Variants in SLC25A15 observed in about 807,000 individuals in gnomAD.
SLC25A15 encodes the protein mitochondrial ornithine transporter 1.
Under a neutral mutation model 32.3 loss-of-function variants are expected in SLC25A15, and 24 were observed. That is an observed-to-expected ratio of 0.74 (90% confidence interval 0.54 to 1.04). The LOEUF is 1.04. Among genes scored for constraint, SLC25A15 ranks in the 50% least tolerant of loss-of-function variants. The pLI is 0.00. For synonymous variants in SLC25A15, 132 were observed against 142.1 expected (o/e 0.93, Z 0.51); for missense variants, 317 against 374.5 (o/e 0.85, Z 1.27).
intron 2 of SLC25A15, among the ~76,000 whole-genome samples, chr13:40,795,604 G>A (rs1881644393): frequency 6.6e-6 from 1 of 152,122 alleles, no homozygotes; most frequent in Admixed American, 6.5e-5. Flanking sequence ...GATGCTGTGG[G>A]TAGTCTTAAC....
At position 40,811,707 on chromosome 13, in the gene SLC25A15, G is replaced by A. The variant is rs41286983; in HGVS notation, c.*2040G>A. Among the ~76,000 whole-genome samples the A allele has an allele frequency of 2.9e-3, 442 of 152,308 alleles. 1 individual carries two copies. Among genetic ancestry groups the A allele is most frequent in the South Asian group, 4.3e-3 (21 of 4,828 alleles). The stretch of plus-strand genomic sequence containing the variant: ...ATTTTGTGCTGCTCCAACACCAGCA[G>A]GGTATCTCCCAATAAAGTGTTCCTA... On this transcript the variant is annotated 3_prime_UTR_variant, in exon 7 of 7. Coordinates refer to ENST00000338625, the MANE Select transcript of SLC25A15 (RefSeq NM_014252.4).
chr13:40,804,911 T>C (rs1030438901), intron 3 of SLC25A15, among the ~76,000 whole-genome samples: 2 of 152,094 alleles, frequency 1.3e-5, no homozygotes, highest in African/African-American at 4.8e-5. Context: ...ATGCAGTGGC[T>C]GTTCACAGAT....
chr13:40,809,733 G>A lies in SLC25A15; in HGVS notation c.*66G>A. On this transcript the variant is annotated 3_prime_UTR_variant, in exon 7 of 7. Transcript: ENST00000338625. ...ACTACAGTTCATCTCAGGGTTTCTTGGAGTACAAGACCAGTGTGAAGTTAT... is the reference window on the plus strand; with the variant it reads ...ACTACAGTTCATCTCAGGGTTTCTTAGAGTACAAGACCAGTGTGAAGTTAT... 6.4e-7 allele frequency: 1 copy of A among 1,560,096 alleles called. No individual in the cohort carries two copies. The highest frequency in any genetic ancestry group is 8.8e-7 in the Non-Finnish European group (1 of 1,134,808).
chr13:40,797,217 A>G (rs1881695941), intron 2 of SLC25A15, among the ~76,000 whole-genome samples: 1 of 152,140 alleles, frequency 6.6e-6, no homozygotes, highest in South Asian at 2.1e-4. Context: ...TTGTACATTC[A>G]TTAGCCTCCC....
Position 40,812,226 on chromosome 13 carries a change from A to C in SLC25A15, c.*2559A>C, listed in dbSNP as rs1258634891. On this transcript the variant is annotated 3_prime_UTR_variant, in exon 7 of 7. Coordinates refer to ENST00000338625, the MANE Select transcript of SLC25A15 (RefSeq NM_014252.4). ...ATCCCTGTTGGCAGTAAATCTTCCC[A>C]CAGGCCGTCCATTAGAGATTTAACT... 6.6e-6 allele frequency among the ~76,000 whole-genome samples: 1 copy of C among 152,206 alleles called. No individual in the cohort carries two copies. The highest frequency in any genetic ancestry group is 1.5e-5 in the Non-Finnish European group (1 of 68,036).
At chr13:40,794,539 C>T (rs1881611681) in intron 2 of SLC25A15, among the ~76,000 whole-genome samples, 1 of 152,160 alleles carries the variant, frequency 6.6e-6, no homozygotes, top group Admixed American at 6.5e-5. Context: ...CAGGCTACTC[C>T]TTAGAAAGAT....
At chr13:40,791,564 G>A (rs888487743) in intron 1 of SLC25A15, among the ~76,000 whole-genome samples, 4 of 151,808 alleles carry the variant, frequency 2.6e-5, no homozygotes, top group Non-Finnish European at 5.9e-5. Flanking sequence ...CACCATATTC[G>A]TCAAGCTGGT....
chr13:40,789,702 G>A (rs1161231229), intron 1 of SLC25A15, 39 bp downstream of exon 1: 1 of 151,688 alleles, frequency 6.6e-6, no homozygotes, highest in East Asian at 1.9e-4. Context: ...GCTGCGGGGA[G>A]CGCGCCAGGC....
At chr13:40,804,335 C>T (rs137996114) in intron 3 of SLC25A15, among the ~76,000 whole-genome samples, 5 of 152,258 alleles carry the variant, frequency 3.3e-5, no homozygotes, top group African/African-American at 7.2e-5. Flanking sequence ...CAGTCCATAG[C>T]GCTGTGTGTA....
At chr13:40,804,793 G>C (rs1017883704) in intron 3 of SLC25A15, among the ~76,000 whole-genome samples, 1 of 150,850 alleles carries the variant, frequency 6.6e-6, no homozygotes, top group Middle Eastern at 3.4e-3. Flanking sequence ...TTCGTGATCC[G>C]CCCGCCTCGG....
intron 3 of SLC25A15, among the ~76,000 whole-genome samples, chr13:40,800,138 C>T (rs900217692): frequency 6.6e-6 from 1 of 152,150 alleles, no homozygotes; most frequent in Admixed American, 6.5e-5. Context: ...GAGTTTGAAA[C>T]CTGATTGCAG....
At chr13:40,806,368 C>T (rs79994212) in intron 4 of SLC25A15, among the ~76,000 whole-genome samples, 1,609 of 152,130 alleles carry the variant, frequency 0.011, 36 homozygotes, top group African/African-American at 0.036. Flanking sequence ...TAGTTATATC[C>T]AAAGGACTTA....
intron 2 of SLC25A15, among the ~76,000 whole-genome samples, chr13:40,795,680 T>C (rs1218657490): frequency 1.3e-5 from 2 of 151,810 alleles, no homozygotes; most frequent in African/African-American, 2.4e-5. Flanking sequence ...ACATGGTCTA[T>C]AGGTTGGGGG....
In SLC25A15 at chr13:40,811,937, G is replaced by A. The variant is rs1360353578; in HGVS notation, c.*2270G>A. Among the ~76,000 whole-genome samples the A allele has an allele frequency of 6.6e-6, 1 of 152,154 alleles. No homozygotes were observed. The highest frequency in any genetic ancestry group is 2.4e-5 in the African/African-American group (1 of 41,442). ...GATATGAGAGGCTGACAAACATCAG[G>A]GGACATCTGGGGAGGAGATCCCTGT... On this transcript the variant is annotated 3_prime_UTR_variant, in exon 7 of 7. Transcript: ENST00000338625.
intron 4 of SLC25A15, among the ~76,000 whole-genome samples, chr13:40,805,615 AT>A (rs1882145770): frequency 6.6e-6 from 1 of 152,162 alleles, no homozygotes. Context: ...ATAAGTGCCA[AT>A]TTGGATTCTG....
chr13:40,795,511 A>T (rs999082461), intron 2 of SLC25A15, among the ~76,000 whole-genome samples: 1 of 152,156 alleles, frequency 6.6e-6, no homozygotes, highest in South Asian at 2.1e-4. Flanking sequence ...TCCCTTATGT[A>T]TACTGACACA....
chr13:40,799,689 C>T (rs1301603303), intron 3 of SLC25A15, among the ~76,000 whole-genome samples: 4 of 152,178 alleles, frequency 2.6e-5, no homozygotes, highest in South Asian at 2.1e-4. Context: ...GAGAATGAAC[C>T]GCCCTTCTGT....
intron 5 of SLC25A15, among the ~76,000 whole-genome samples, chr13:40,808,164 G>C (rs1332623963): frequency 6.6e-6 from 1 of 152,236 alleles, no homozygotes; most frequent in Non-Finnish European, 1.5e-5. Flanking sequence ...GTGTGGGCCA[G>C]CCCTTGACAC....
At chr13:40,808,805 G>T (rs1018934819) in intron 6 of SLC25A15, among the ~76,000 whole-genome samples, 6 of 151,828 alleles carry the variant, frequency 4.0e-5, no homozygotes, top group Non-Finnish European at 2.9e-5. Flanking sequence ...CGTGGTGGCA[G>T]GCACCTGTAG....
Sources: gnomAD v4.1 joint callset for allele counts (sites outside exome capture counted in the v4.1 genomes callset) on GRCh38, gnomAD v4.1.1 for gene constraint, MANE v1.5 for transcripts, NCBI Gene and HGNC (gene_info 2026-07-23, HGNC 2026-07-21) for gene names.